The following GTF3C3 variants were observed in gnomAD, a reference collection of about 807,000 sequenced individuals.
GTF3C3 encodes general transcription factor 3C polypeptide 3.
In GTF3C3, 75 loss-of-function variants were observed where a neutral mutation model predicts 105.2. The observed-to-expected ratio is 0.71, with a 90% CI of 0.59 to 0.86. The LOEUF (loss-of-function observed/expected upper bound fraction) is 0.86, where lower values mean the gene tolerates loss of function less well. Among genes scored for constraint, GTF3C3 ranks in the 40% least tolerant of loss-of-function variants. The pLI is 0.00. For synonymous variants in GTF3C3, 335 were observed against 370.4 expected, an observed-to-expected ratio of 0.90 and a Z score of 1.10; for missense variants, 856 against 1,076.5, an observed-to-expected ratio of 0.80 and a Z score of 2.87.
chr2:196,778,410 A>AT (rs1322744226), intron 10 of GTF3C3: 1 of 152,594 alleles, frequency 6.6e-6, no homozygotes, highest in East Asian at 1.9e-4. Flanking sequence ...TTCTTAAGCT[A>AT]TTTTTTCCAG....
At chr2:196,797,206 A>T (rs1699661985) in intron 2 of GTF3C3, among the ~76,000 whole-genome samples, 1 of 152,242 alleles carries the variant, frequency 6.6e-6, no homozygotes, top group Admixed American at 6.5e-5. Context: ...AAGGGTATCA[A>T]TCACTGAACA....
At chr2:196,798,080 G>A (rs535412784) in intron 1 of GTF3C3, among the ~76,000 whole-genome samples, 172 bp from the exon 2 acceptor site, 1 of 152,248 alleles carries the variant, frequency 6.6e-6, no homozygotes, top group African/African-American at 2.4e-5. Flanking sequence ...CAAAACTTGA[G>A]CTGTGAACAC....
At position 196,799,621 on chromosome 2, in the gene GTF3C3, G is replaced by C. The variant is rs1379221054; in HGVS notation, c.-10C>G. The C allele has an allele frequency of 3.1e-6, 5 of 1,589,686 alleles. No homozygotes were observed. Among genetic ancestry groups the C allele is most frequent in the Non-Finnish European group, 4.3e-6 (5 of 1,157,832 alleles). ...GACTGAACCCTGACATGTTTACAGG[G>C]TCTGTCTGTGCAACCCCAGGAACCG... is the stretch of plus-strand genomic sequence containing the variant. On this transcript the variant is annotated 5_prime_UTR_variant, in exon 1 of 18. Transcript: ENST00000263956.
Position 196,776,427 on chromosome 2 carries a change from C to A in GTF3C3, c.1593G>T (p.Gln531His). The A allele has an allele frequency of 6.2e-7, 1 of 1,612,494 alleles. No homozygotes were observed. The highest frequency in any genetic ancestry group is 8.5e-7 in the Non-Finnish European group (1 of 1,178,938). The change falls in exon 11 of 18, where the codon CAG (glutamine) becomes CAT (histidine). Residue 531 changes from glutamine (Q) to histidine (H), a missense_variant and splice_region_variant. Gln to His is a conservative substitution (Grantham distance 24, BLOSUM62 0). Around this residue, in one of 3 missense-constraint regions of GTF3C3, gnomAD observed 605 missense variants for 833.6 expected, o/e 0.73. Coordinates refer to ENST00000263956, the MANE Select transcript of GTF3C3 (RefSeq NM_012086.5). The surrounding 1 kb of genome is among the most constrained non-coding windows in gnomAD (Gnocchi z 4.5). ...CTTCCCTCTATGTGACATGGCCCAC[C>A]TGCTGTGCAGCATTTGCATCCTGTG... ...TLAQDANAAQ[Q>H]ELKLLLHRST...
intron 9 of GTF3C3, among the ~76,000 whole-genome samples, chr2:196,779,609 C>A (rs1699312703): frequency 6.6e-6 from 1 of 152,170 alleles, no homozygotes; most frequent in Non-Finnish European, 1.5e-5. Context: ...TTCGTCTAAC[C>A]AGCACAACGT....
intron 3 of GTF3C3, among the ~76,000 whole-genome samples, 183 bp downstream of exon 3, chr2:196,792,773 G>A (rs895539799): frequency 6.6e-6 from 1 of 151,942 alleles, no homozygotes; most frequent in Non-Finnish European, 1.5e-5. Flanking sequence ...CACCATGCCC[G>A]GCTATAATTA....
intron 8 of GTF3C3, 69 bp downstream of exon 8, chr2:196,784,788 C>A: frequency 6.7e-7 from 1 of 1,485,980 alleles, no homozygotes; most frequent in South Asian, 1.5e-5. Context: ...AATAAATTTT[C>A]ACCATAAAAC....
At chr2:196,769,216 A>G (rs1699126849) in intron 16 of GTF3C3, among the ~76,000 whole-genome samples, 1 of 152,132 alleles carries the variant, frequency 6.6e-6, no homozygotes, top group South Asian at 2.1e-4. Flanking sequence ...TATTTTAACC[A>G]TTTTACTTTA....
chr2:196,793,087 C>A lies in GTF3C3; in HGVS notation c.280G>T (p.Glu94Ter). The change falls in exon 3 of 18, where the codon GAA (glutamate) becomes TAA (stop). Residue 94 changes from glutamate to a stop codon, truncating the protein, a stop_gained. Transcript: ENST00000263956. LOFTEE classifies it high-confidence loss of function. ...KVFASMLGENEDDEEEEEEEE... is the reference protein window; with the variant it reads ...KVFASMLGEN ...TCTTCCTCTTCCTCCTCATCATCTT[C>A]ATTCTCTCCAAGCATGGAAGCAAAG... The A allele has an allele frequency of 6.2e-7, 1 of 1,613,904 alleles. No individual in the cohort carries two copies. Among genetic ancestry groups the A allele is most frequent in the Non-Finnish European group, 8.5e-7 (1 of 1,179,852 alleles).
rs1254657574 is a variant in GTF3C3 at position 196,764,090 on chromosome 2, AT to A, written c.*472del. 1.3e-5 allele frequency: 2 copies of A among 152,248 alleles called. No individual in the cohort carries two copies. The allele number at this position is 152,248 out of a possible 1,614,324, so 9.4% of individuals were successfully genotyped here. On this transcript the variant is annotated 3_prime_UTR_variant, in exon 18 of 18. Coordinates refer to ENST00000263956, the MANE Select transcript of GTF3C3 (RefSeq NM_012086.5). ...TTGTCTTTCTGCCTACCACATAACTATTTTAAATAATTTTCTTAGGTGCTTA... is the reference window on the plus strand; with the variant it reads ...TTGTCTTTCTGCCTACCACATAACTATTTAAATAATTTTCTTAGGTGCTTA...
intron 3 of GTF3C3, 99 bp from the exon 4 acceptor site, chr2:196,791,559 T>C: frequency 4.5e-6 from 5 of 1,117,702 alleles, no homozygotes; most frequent in Non-Finnish European, 6.2e-6. Context: ...GAAACTGAAA[T>C]TTTCCTTTAA....
Position 196,793,058 on chromosome 2 carries a change from CTCT to C in GTF3C3, c.306_308del (p.Glu111del), listed in dbSNP as rs770627602. The C allele has an allele frequency of 5.2e-5, 82 of 1,577,954 alleles. No homozygotes were observed. Among genetic ancestry groups the C allele is most frequent in the Admixed American group, 1.5e-4 (9 of 59,576 alleles). On this transcript the variant is annotated inframe_deletion, in exon 3 of 18. Coordinates refer to ENST00000263956, the MANE Select transcript of GTF3C3 (RefSeq NM_012086.5). Reference sequence around the variant, plus strand: ...TTTCTTCCTCCTCCTCCTCCTCCTCCTCTTCTTCCTCTTCCTCCTCATCATCTT... The same window carrying C: ...TTTCTTCCTCCTCCTCCTCCTCCTCCTCTTCCTCTTCCTCCTCATCATCTT...
intron 3 of GTF3C3, 113 bp downstream of exon 3, chr2:196,792,843 C>T (rs1699575156): frequency 1.5e-6 from 1 of 688,818 alleles, no homozygotes; most frequent in African/African-American, 1.8e-5. Context: ...ATAGTTGTGT[C>T]ATAGTATTTC....
At position 196,764,113 on chromosome 2, in the gene GTF3C3, C is replaced by CTTAG. The variant is rs1025361211; in HGVS notation, c.*446_*449dup. The CTTAG allele has an allele frequency of 3.3e-5, 5 of 152,310 alleles. No homozygotes were observed. The highest frequency in any genetic ancestry group is 1.2e-4 in the African/African-American group (5 of 41,456). 9.4% of individuals were successfully genotyped at this position (152,310 alleles called of 1,614,324 possible). On this transcript the variant is annotated 3_prime_UTR_variant, in exon 18 of 18. Transcript: ENST00000263956. ...CTATTTTAAATAATTTTCTTAGGTG[C>CTTAG]TTAGTTATCATGGTCATGACATCAT...
chr2:196,774,169 T>C (rs779515239), intron 13 of GTF3C3, among the ~76,000 whole-genome samples: 2 of 152,172 alleles, frequency 1.3e-5, no homozygotes, highest in Non-Finnish European at 2.9e-5. Flanking sequence ...CCATAAAAAA[T>C]TTTACTGTCT....
At position 196,789,361 on chromosome 2, in the gene GTF3C3, AT is replaced by A. The variant is rs2125749546; in HGVS notation, c.735del (p.Lys245AsnfsTer34). On this transcript the variant is annotated frameshift_variant, in exon 6 of 18. Coordinates refer to ENST00000263956, the MANE Select transcript of GTF3C3 (RefSeq NM_012086.5). LOFTEE classifies it high-confidence loss of function. ...AGATAACGGACATTAGTAGGTTCAT[AT>A]TTAAGAGCTAAAAAGAAAGAAATAC... ...QAIFCYTKAL[K>X]YEPTNVRYLW... 1 of 1,591,130 alleles carries A rather than the reference AT, an allele frequency of 6.3e-7. No individual in the cohort carries two copies.
chr2:196,774,810 TA>T (rs1699235577), intron 13 of GTF3C3, among the ~76,000 whole-genome samples: 1 of 152,236 alleles, frequency 6.6e-6, no homozygotes, highest in Non-Finnish European at 1.5e-5. Flanking sequence ...AAATCATCTA[TA>T]CTGTCATCTA....
intron 8 of GTF3C3, 68 bp downstream of exon 8, chr2:196,784,789 A>C: frequency 1.3e-6 from 2 of 1,489,578 alleles, no homozygotes; most frequent in Non-Finnish European, 1.8e-6. Context: ...ATAAATTTTC[A>C]CCATAAAACG....
intron 13 of GTF3C3, among the ~76,000 whole-genome samples, chr2:196,774,560 C>T (rs918751443): frequency 6.6e-6 from 1 of 152,094 alleles, no homozygotes; most frequent in Non-Finnish European, 1.5e-5. Context: ...AAAAACTAAC[C>T]ATGGACCTCC....
Sources: gnomAD v4.1 joint callset for allele counts (sites outside exome capture counted in the v4.1 genomes callset) on GRCh38, gnomAD v4.1.1 for gene constraint, gnomAD v4.1.1 regional missense constraint, Gnocchi (gnomAD v3.1) non-coding constraint, MANE v1.5 for transcripts, NCBI Gene and HGNC (gene_info 2026-07-23, HGNC 2026-07-21) for gene names.